The following ZNF407 variants were observed in gnomAD, a reference collection of about 807,000 sequenced individuals.
ZNF407 encodes the protein zinc finger protein 407.
In ZNF407, 17 loss-of-function variants were observed where a neutral mutation model predicts 131.2. The observed-to-expected ratio is 0.13, with a 90% CI of 0.09 to 0.19. ZNF407 has a LOEUF of 0.19. Ranked by LOEUF, ZNF407 falls within the 10% of genes least tolerant of loss-of-function variation. ZNF407 has a pLI of 1.00. For missense variants in ZNF407, 2,681 were observed against 2,830.6 expected, an observed-to-expected ratio of 0.95 and a Z score of 1.20; for synonymous variants, 1,156 against 1,062.0, an observed-to-expected ratio of 1.09 and a Z score of -1.72.
At chr18:74,769,718 C>T (rs540161127) in intron 3 of ZNF407, among the ~76,000 whole-genome samples, 18 of 152,334 alleles carry the variant, frequency 1.2e-4, no homozygotes, top group Admixed American at 1.1e-3. Flanking sequence ...GGGATGCAAG[C>T]GCCTAGACTA....
chr18:75,018,131 A>G (rs1328030992), intron 8 of ZNF407, among the ~76,000 whole-genome samples: 1 of 152,202 alleles, frequency 6.6e-6, no homozygotes, highest in Non-Finnish European at 1.5e-5. Context: ...TTAATTTTGA[A>G]AAATTTGTAA....
chr18:74,631,169 A>C lies in ZNF407; in HGVS notation c.150A>C (p.Lys50Asn), dbSNP rs1426048463. The change falls in exon 2 of 9, where the codon AAA (lysine) becomes AAC (asparagine). Residue 50 changes from lysine (K) to asparagine (N), a missense_variant. By Grantham distance (94) the Lys-to-Asn change is moderately conservative. Transcript: ENST00000299687. ...IASFPENSMG[K>N]RGFSESSNSD... ...GTTTCCCTGAGAATTCTATGGGCAAAAGAGGTTTTTCAGAATCATCGAACT... is the reference window on the plus strand; with the variant it reads ...GTTTCCCTGAGAATTCTATGGGCAACAGAGGTTTTTCAGAATCATCGAACT... The C allele has an allele frequency of 6.2e-7, 1 of 1,614,006 alleles. No homozygotes were observed. Among genetic ancestry groups the C allele is most frequent in the Admixed American group, 1.7e-5 (1 of 60,026 alleles).
chr18:74,956,751 G>T (rs549862777), intron 8 of ZNF407, among the ~76,000 whole-genome samples: 3 of 152,274 alleles, frequency 2.0e-5, no homozygotes, highest in African/African-American at 7.2e-5. Context: ...TGGGGTGGAT[G>T]TAGTGTCTTG....
chr18:74,753,520 GA>G (rs2144950621), intron 3 of ZNF407, among the ~76,000 whole-genome samples: 1 of 152,234 alleles, frequency 6.6e-6, no homozygotes, highest in African/African-American at 2.4e-5. Context: ...TATTATTTGG[GA>G]GACGTCCCAT....
rs376436900 is a variant in ZNF407 at position 74,634,172 on chromosome 18, C to T, written c.3153C>T (p.Cys1051=). The T allele has an allele frequency of 5.9e-5, 95 of 1,613,868 alleles. No homozygotes were observed. The highest frequency in any genetic ancestry group is 4.7e-4 in the Admixed American group (28 of 59,996). The part of the protein sequence containing the change: ...TKEFEFYCMA[C]DYYAVTRREM... The stretch of plus-strand genomic sequence containing the variant: ...AGTTTGAGTTTTATTGCATGGCATG[C>T]GATTACTACGCGGTGACTCGTCGCG... Residue 1051 remains cysteine (C), a synonymous_variant, in exon 2 of 9, where the codon TGC becomes TGT. Coordinates refer to ENST00000299687, the MANE Select transcript of ZNF407 (RefSeq NM_017757.3).
intron 3 of ZNF407, among the ~76,000 whole-genome samples, chr18:74,775,677 G>C (rs1969454642): frequency 6.6e-6 from 1 of 152,168 alleles, no homozygotes; most frequent in Non-Finnish European, 1.5e-5. Context: ...TTCTCGCATG[G>C]CTATAAAGAA....
intron 8 of ZNF407, among the ~76,000 whole-genome samples, chr18:74,936,591 A>T (rs949868943): frequency 1.3e-5 from 2 of 152,134 alleles, no homozygotes; most frequent in Admixed American, 6.5e-5. Flanking sequence ...CGTAAGGGGA[A>T]CTCAGGTGTA....
chr18:74,849,710 G>A (rs1353581768), intron 4 of ZNF407, among the ~76,000 whole-genome samples: 1 of 152,204 alleles, frequency 6.6e-6, no homozygotes, highest in Non-Finnish European at 1.5e-5. Context: ...CTGAGAAAGA[G>A]ACGAAGGAGA....
At chr18:74,609,696 T>C (rs150672362) in intron 1 of ZNF407, among the ~76,000 whole-genome samples, 3 of 152,242 alleles carry the variant, frequency 2.0e-5, no homozygotes, top group African/African-American at 4.8e-5. Flanking sequence ...ACGTGAGAAA[T>C]GTGTTGTACT....
intron 1 of ZNF407, among the ~76,000 whole-genome samples, chr18:74,604,510 T>A (rs900459996): frequency 6.6e-6 from 1 of 152,186 alleles, no homozygotes; most frequent in African/African-American, 2.4e-5. Flanking sequence ...CTTGCAATTG[T>A]CTACACAGCT....
At chr18:74,970,945 T>C (rs754783718) in intron 8 of ZNF407, among the ~76,000 whole-genome samples, 43 of 152,268 alleles carry the variant, frequency 2.8e-4, no homozygotes, top group Non-Finnish European at 5.9e-4. Flanking sequence ...ATACATCTTC[T>C]GAAATCTAGG....
At chr18:74,803,962 A>G in intron 4 of ZNF407, 1 of 1,551,638 alleles carries the variant, frequency 6.4e-7, no homozygotes, top group East Asian at 2.4e-5. Context: ...CCTTGGCTTC[A>G]GAGTAAAGGT....
intron 4 of ZNF407, among the ~76,000 whole-genome samples, chr18:74,872,095 T>C (rs1971094859): frequency 6.6e-6 from 1 of 152,050 alleles, no homozygotes; most frequent in Admixed American, 6.6e-5. Context: ...GAGAGTTCTT[T>C]CTTTTTAGAA....
chr18:74,744,403 A>C (rs1000404846), intron 3 of ZNF407, among the ~76,000 whole-genome samples: 1 of 152,082 alleles, frequency 6.6e-6, no homozygotes, highest in Admixed American at 6.6e-5. Flanking sequence ...TTGGATGGTT[A>C]TCCACTTCTG....
At chr18:74,679,260 G>A (rs1203503304) in intron 3 of ZNF407, among the ~76,000 whole-genome samples, 1 of 152,214 alleles carries the variant, frequency 6.6e-6, no homozygotes, top group Admixed American at 6.5e-5. Flanking sequence ...CAGTGGCATA[G>A]TCCTACTGTC....
At position 74,703,914 on chromosome 18, in the gene ZNF407, T is replaced by C. The variant is rs934554997; in HGVS notation, c.4802+62792T>C. On this transcript the variant is annotated intron_variant, in intron 3 of 8. Coordinates refer to ENST00000299687, the MANE Select transcript of ZNF407 (RefSeq NM_017757.3). The surrounding 1 kb of genome is among the most constrained non-coding windows in gnomAD (Gnocchi z 4.1). The stretch of plus-strand genomic sequence containing the variant: ...CAATTTCTTTACATCATCAAAATTA[T>C]TATAATATTTTTGTTGGACCACTGG... Among the ~76,000 whole-genome samples the C allele has an allele frequency of 6.6e-6, 1 of 152,160 alleles. No homozygotes were observed. The highest frequency in any genetic ancestry group is 2.4e-5 in the African/African-American group (1 of 41,412).
intron 3 of ZNF407, among the ~76,000 whole-genome samples, chr18:74,770,179 T>A (rs899369265): frequency 6.6e-6 from 1 of 152,152 alleles, no homozygotes; most frequent in African/African-American, 2.4e-5. Flanking sequence ...ATTGGGAGGA[T>A]CAGTTGAGTC....
chr18:74,738,345 G>A (rs1322199460), intron 3 of ZNF407, among the ~76,000 whole-genome samples: 5 of 144,002 alleles, frequency 3.5e-5, no homozygotes, highest in Admixed American at 7.1e-5. Flanking sequence ...GCTTGAACCC[G>A]GGAGGCGGAG....
At chr18:74,668,650 A>G (rs1050043198) in intron 3 of ZNF407, among the ~76,000 whole-genome samples, 2 of 152,206 alleles carry the variant, frequency 1.3e-5, no homozygotes, top group Non-Finnish European at 2.9e-5. Flanking sequence ...TTAAGCACCT[A>G]GCACTTATTA....
Sources: gnomAD v4.1 joint callset for allele counts (sites outside exome capture counted in the v4.1 genomes callset) on GRCh38, gnomAD v4.1.1 for gene constraint, Gnocchi (gnomAD v3.1) non-coding constraint, MANE v1.5 for transcripts, NCBI Gene and HGNC (gene_info 2026-07-23, HGNC 2026-07-21) for gene names.